Variants in MAP3K4 observed in about 807,000 individuals in gnomAD.
The protein encoded by MAP3K4 is mitogen-activated protein kinase kinase kinase 4, also known as MAP three kinase 1.
A neutral mutation model predicts 185.6 loss-of-function variants in MAP3K4; 67 were observed. That is an observed-to-expected ratio of 0.36 (90% confidence interval 0.30 to 0.44). The LOEUF (loss-of-function observed/expected upper bound fraction) is 0.44, where lower values mean the gene tolerates loss of function less well. MAP3K4 is among the 20% of genes least tolerant of loss of function. The pLI is 1.00. For missense variants in MAP3K4, 1,551 were observed against 1,995.1 expected (o/e 0.78, Z 4.24); for synonymous variants, 702 against 710.4 (o/e 0.99, Z 0.19).
chr6:161,028,114 A>G (rs1170347157), intron 1 of MAP3K4, among the ~76,000 whole-genome samples: 1 of 152,162 alleles, frequency 6.6e-6, no homozygotes, highest in Non-Finnish European at 1.5e-5. Context: ...AAGTCATTCC[A>G]CATTCAAGCG....
chr6:160,992,827 T>A (rs995634708), intron 1 of MAP3K4, among the ~76,000 whole-genome samples: 4 of 152,144 alleles, frequency 2.6e-5, no homozygotes, highest in Non-Finnish European at 5.9e-5. Flanking sequence ...ATTTTTTTTT[T>A]AATTGAGAGA....
Position 161,043,343 on chromosome 6 carries a change from C to T in MAP3K4, c.344-5273C>T, listed in dbSNP as rs557702975. ...TCTTTACTTCCCTTATTTAAGCTTC[C>T]ATTCTTCGAGGCCCCAAATCAAGTA... On this transcript the variant is annotated intron_variant, in intron 2 of 26. Transcript: ENST00000392142. The surrounding 1 kb of genome is among the most constrained non-coding windows in gnomAD (Gnocchi z 4.3). Among the ~76,000 whole-genome samples, 6 of 152,280 alleles carry T rather than the reference C, an allele frequency of 3.9e-5. No homozygotes were observed. The East Asian group carries it at 1.2e-3, about 29-fold the overall frequency.
At chr6:161,021,163 A>G (rs188663973) in intron 1 of MAP3K4, among the ~76,000 whole-genome samples, 1 of 152,346 alleles carries the variant, frequency 6.6e-6, no homozygotes, top group Admixed American at 6.5e-5. Flanking sequence ...TTAGATAGCA[A>G]CTTGCCATTT....
Position 161,109,126 on chromosome 6 carries a change from C to G in MAP3K4, c.4236+267C>G, listed in dbSNP as rs946715261. ...ATTCAGAAGATTCTTCTAAAACGCCCCTTACACCACTTCTTGTGACTTTTT... is the reference window on the plus strand; with the variant it reads ...ATTCAGAAGATTCTTCTAAAACGCCGCTTACACCACTTCTTGTGACTTTTT... On this transcript the variant is annotated intron_variant, in intron 22 of 26. Coordinates refer to ENST00000392142, the MANE Select transcript of MAP3K4 (RefSeq NM_005922.4). This position sits in a 1 kb window ranked among gnomAD's most constrained non-coding sequence, Gnocchi z 5.7. 15 of 875,450 alleles carry G rather than the reference C, an allele frequency of 1.7e-5. No individual in the cohort carries two copies. In the Admixed American group the frequency reaches 3.3e-4, roughly 19 times the overall value. The allele number at this position is 875,450 out of a possible 1,614,324, so 54.2% of individuals were successfully genotyped here.
In MAP3K4 at chr6:161,093,267, T is replaced by C. The variant is rs1777408559; in HGVS notation, c.3348+211T>C. Among the ~76,000 whole-genome samples the C allele has an allele frequency of 1.3e-5, 2 of 152,208 alleles. No individual in the cohort carries two copies. Among genetic ancestry groups the C allele is most frequent in the African/African-American group, 2.4e-5 (1 of 41,452 alleles). ...TAACATTAGTGTTCAACTAAGTCAA[T>C]GTCTGGTTTGTAAACCCTGGCCCTT... On this transcript the variant is annotated intron_variant, in intron 14 of 26. Coordinates refer to ENST00000392142, the MANE Select transcript of MAP3K4 (RefSeq NM_005922.4). The surrounding 1 kb of genome is among the most constrained non-coding windows in gnomAD (Gnocchi z 5.2).
chr6:161,018,084 T>C (rs1782197034), intron 1 of MAP3K4, among the ~76,000 whole-genome samples: 1 of 152,136 alleles, frequency 6.6e-6, no homozygotes, highest in Admixed American at 6.6e-5. Flanking sequence ...TTACCCTGGC[T>C]TTTGCCTGGA....
chr6:161,099,611 T>C (rs772500415), intron 17 of MAP3K4, among the ~76,000 whole-genome samples: 1 of 152,218 alleles, frequency 6.6e-6, no homozygotes. Flanking sequence ...ATTCATACAG[T>C]ACAGACTGAA....
chr6:161,049,707 G>A lies in MAP3K4; in HGVS notation c.1435G>A (p.Asp479Asn). ...GGTACCGGAAATCAGACAGCCCATAGATAACAGCTTCGACATCCAGTCGCG... is the reference window on the plus strand; with the variant it reads ...GGTACCGGAAATCAGACAGCCCATAAATAACAGCTTCGACATCCAGTCGCG... ...PRVPEIRQPI[D>N]NSFDIQSRDC... The change falls in exon 3 of 27, where the codon GAT becomes AAT. Residue 479 changes from aspartate (D) to asparagine (N), a missense_variant. Physicochemically the swap from Asp to Asn is conservative, Grantham distance 23. Around this residue, in one of 16 missense-constraint regions of MAP3K4, gnomAD observed 126 missense variants for 112.8 expected, o/e 1.12. Coordinates refer to ENST00000392142, the MANE Select transcript of MAP3K4 (RefSeq NM_005922.4). This position sits in a 1 kb window ranked among gnomAD's most constrained non-coding sequence, Gnocchi z 8.4. 1 of 1,614,132 alleles carries A rather than the reference G, an allele frequency of 6.2e-7. No homozygotes were observed. Among genetic ancestry groups the A allele is most frequent in the Non-Finnish European group, 8.5e-7 (1 of 1,180,016 alleles).
chr6:161,047,027 A>T (rs1783758302), intron 2 of MAP3K4, among the ~76,000 whole-genome samples: 1 of 147,142 alleles, frequency 6.8e-6, no homozygotes, highest in Admixed American at 6.8e-5. Flanking sequence ...AACAGCTTAT[A>T]ATTGATGGTG....
chr6:160,994,727 G>T (rs705826), intron 1 of MAP3K4, among the ~76,000 whole-genome samples: 2 of 151,974 alleles, frequency 1.3e-5, no homozygotes, highest in African/African-American at 4.8e-5. Flanking sequence ...TTGAGACAGA[G>T]TCTTTCTCTG....
chr6:161,042,275 G>A (rs1185919783), intron 2 of MAP3K4, among the ~76,000 whole-genome samples: 3 of 152,082 alleles, frequency 2.0e-5, no homozygotes, highest in Non-Finnish European at 4.4e-5. Context: ...TTCACCAAAA[G>A]CTGAAAATTC....
At chr6:161,094,041 A>G (rs969431234) in intron 15 of MAP3K4, among the ~76,000 whole-genome samples, 190 bp downstream of exon 15, 2 of 152,252 alleles carry the variant, frequency 1.3e-5, no homozygotes, top group Admixed American at 6.5e-5. Flanking sequence ...TCTGACAGGA[A>G]GATTAAAACG....
rs571403653 is a variant in MAP3K4 at position 161,088,561 on chromosome 6, T to C, written c.2823+607T>C. Among the ~76,000 whole-genome samples the C allele has an allele frequency of 6.6e-6, 1 of 152,314 alleles. No homozygotes were observed. Among genetic ancestry groups the C allele is most frequent in the Admixed American group, 6.5e-5 (1 of 15,300 alleles). ...TTTATATTCCGTCTCAGTGAATGGTTCCGCGTTCACTCACATGTTTAAACC... is the reference window on the plus strand; with the variant it reads ...TTTATATTCCGTCTCAGTGAATGGTCCCGCGTTCACTCACATGTTTAAACC... On this transcript the variant is annotated intron_variant, in intron 10 of 26. Transcript: ENST00000392142. This position sits in a 1 kb window ranked among gnomAD's most constrained non-coding sequence, Gnocchi z 4.5.
chr6:160,999,245 G>A (rs1781155963), intron 1 of MAP3K4, among the ~76,000 whole-genome samples: 1 of 152,164 alleles, frequency 6.6e-6, no homozygotes, highest in South Asian at 2.1e-4. Context: ...GCTTGTTAGA[G>A]GACAGCTAGT....
chr6:161,098,539 G>T lies in MAP3K4; in HGVS notation c.3674+112G>T. The T allele has an allele frequency of 7.6e-7, 1 of 1,322,066 alleles. No individual in the cohort carries two copies. The highest frequency in any genetic ancestry group is 1.0e-6 in the Non-Finnish European group (1 of 976,174). 81.9% of individuals were successfully genotyped at this position (1,322,066 alleles called of 1,614,324 possible). On this transcript the variant is annotated intron_variant, in intron 17 of 26. Coordinates refer to ENST00000392142, the MANE Select transcript of MAP3K4 (RefSeq NM_005922.4). This position sits in a 1 kb window ranked among gnomAD's most constrained non-coding sequence, Gnocchi z 4.4. ...TGTGGTTGGGCTTCTTTGCTGTGGC[G>T]TGTGAGTGATGCTCTAGGGCCTTCC... is the stretch of plus-strand genomic sequence containing the variant.
rs1239880886 is a variant in MAP3K4 at position 161,098,084 on chromosome 6, C to T, written c.3525-194C>T. 6.6e-6 allele frequency among the ~76,000 whole-genome samples: 1 copy of T among 151,694 alleles called. No individual in the cohort carries two copies. The highest frequency in any genetic ancestry group is 2.4e-5 in the African/African-American group (1 of 41,292). On this transcript the variant is annotated intron_variant, in intron 16 of 26. Transcript: ENST00000392142. This position sits in a 1 kb window ranked among gnomAD's most constrained non-coding sequence, Gnocchi z 4.4. Reference sequence around the variant, plus strand: ...CCTGGACAACAGGGTGCGATGCTGTCTCAAAAAAAAGAAAAGCTTTGAAGT... The same window carrying T: ...CCTGGACAACAGGGTGCGATGCTGTTTCAAAAAAAAGAAAAGCTTTGAAGT...
chr6:161,044,198 C>G (rs930921640), intron 2 of MAP3K4, among the ~76,000 whole-genome samples: 1 of 152,166 alleles, frequency 6.6e-6, no homozygotes, highest in African/African-American at 2.4e-5. Context: ...CATTTATAGT[C>G]ACTTGGGAGA....
At chr6:161,026,898 T>A (rs562201947) in intron 1 of MAP3K4, among the ~76,000 whole-genome samples, 1 of 152,226 alleles carries the variant, frequency 6.6e-6, no homozygotes, top group East Asian at 1.9e-4. Flanking sequence ...AAACAGCTTA[T>A]AATTATTTTT....
rs1784008006 is a variant in MAP3K4, at chr6:161,051,683, A to T, written c.1707+1704A>T. Among the ~76,000 whole-genome samples the T allele has an allele frequency of 6.6e-6, 1 of 152,148 alleles. No homozygotes were observed. The highest frequency in any genetic ancestry group is 2.4e-5 in the African/African-American group (1 of 41,420). On this transcript the variant is annotated intron_variant, in intron 3 of 26. Coordinates refer to ENST00000392142, the MANE Select transcript of MAP3K4 (RefSeq NM_005922.4). This position sits in a 1 kb window ranked among gnomAD's most constrained non-coding sequence, Gnocchi z 4.2. ...GATTTGTTCCAGGACCCCCATGGAC[A>T]CTCAAATCCTTGGATGCTCCAGTCC...
Sources: allele counts gnomAD v4.1 joint callset (sites outside exome capture counted in the v4.1 genomes callset), GRCh38; gene constraint gnomAD v4.1.1; regional missense constraint gnomAD v4.1.1; non-coding constraint Gnocchi (gnomAD v3.1); transcripts MANE v1.5; gene names NCBI Gene and HGNC (gene_info 2026-07-23, HGNC 2026-07-21).